Variants in TGM1 observed in about 807,000 individuals in gnomAD.
The protein encoded by TGM1 is transglutaminase 1.
A neutral mutation model predicts 88.7 loss-of-function variants in TGM1; 63 were observed. That is an observed-to-expected ratio of 0.71 (90% CI 0.58 to 0.88). The LOEUF (loss-of-function observed/expected upper bound fraction) is 0.88. TGM1 is among the 40% of genes least tolerant of loss of function. The pLI is 0.00. For synonymous variants in TGM1, 415 were observed against 431.1 expected, an observed-to-expected ratio of 0.96 and a Z score of 0.46; for missense variants, 996 against 1,118.0, an observed-to-expected ratio of 0.89 and a Z score of 1.56.
At chr14:24,262,535 G>A (rs2040823447) in intron 1 of TGM1, among the ~76,000 whole-genome samples, 181 bp from the exon 2 acceptor site, 1 of 152,194 alleles carries the variant, frequency 6.6e-6, no homozygotes, top group Non-Finnish European at 1.5e-5. Context: ...CTCACCCAGA[G>A]AAGCTTCTCA....
chr14:24,255,990 T>A lies in TGM1; in HGVS notation c.1490A>T (p.Glu497Val). 2 of 1,559,280 alleles carry A rather than the reference T, an allele frequency of 1.3e-6. No homozygotes were observed. Among genetic ancestry groups the A allele is most frequent in the Non-Finnish European group, 1.7e-6 (2 of 1,150,676 alleles). ...AGGCACCTGGAGCCCAGCCCTCACC[T>A]CAGCAAAAATGAAAGGCGTGTCGTA... Reference protein sequence around the residue: ...MKYDTPFIFAEVNSDKVYWQR... With the variant: ...MKYDTPFIFAVVNSDKVYWQR... Residue 497 changes from glutamate to valine, a missense_variant and splice_region_variant, in exon 10 of 15, where the codon GAG (glutamate) becomes GTG (valine). Transcript: ENST00000206765. The surrounding 1 kb of genome is among the most constrained non-coding windows in gnomAD (Gnocchi z 4.0).
intron 14 of TGM1, 35 bp from the exon 15 acceptor site, chr14:24,249,576 A>G (rs1037519055): frequency 6.3e-7 from 1 of 1,590,284 alleles, no homozygotes; most frequent in Non-Finnish European, 8.6e-7. Context: ...GCCTGGAGTA[A>G]TTGGGGGTGG....
intron 9 of TGM1, among the ~76,000 whole-genome samples, chr14:24,256,428 G>A (rs1365078020): frequency 6.6e-6 from 1 of 152,206 alleles, no homozygotes; most frequent in Non-Finnish European, 1.5e-5. Flanking sequence ...GCTGACACTG[G>A]ATGTCCACCA....
At position 24,261,785 on chromosome 14, in the gene TGM1, T is replaced by C. The variant is rs149923908; in HGVS notation, c.418A>G (p.Ile140Val). Residue 140 changes from isoleucine to valine, a missense_variant, in exon 3 of 15, where the codon ATA (isoleucine) becomes GTA (valine). Physicochemically the swap from Ile to Val is conservative, Grantham distance 29 (BLOSUM62 3). Transcript: ENST00000206765. ...HTDEYEYDEL[I>V]VRRGQPFHML... ...TGGAAAGGCTGCCCGCGGCGCACTA[T>C]CAGCTCGTCGTACTCATACTCGTCT... 89 of 1,613,840 alleles carry C rather than the reference T, an allele frequency of 5.5e-5. No homozygotes were observed. The highest frequency in any genetic ancestry group is 6.9e-5 in the Non-Finnish European group (82 of 1,180,008).
intron 8 of TGM1, 58 bp from the exon 9 acceptor site, chr14:24,258,446 T>C: frequency 1.9e-6 from 3 of 1,611,734 alleles, no homozygotes; most frequent in Non-Finnish European, 2.5e-6. Context: ...GTCCTCAGTT[T>C]CCCCAGCCTC....
At position 24,262,362 on chromosome 14, in the gene TGM1, GA is replaced by G; in HGVS notation, c.-2-9del. The stretch of plus-strand genomic sequence containing the variant: ...GTGGCCCATCCATCATGCCTGTTAG[GA>G]AGAGGCAGGGTGGCTCCTTAACCCA... On this transcript the variant is annotated splice_polypyrimidine_tract_variant and intron_variant, in intron 1 of 14. Transcript: ENST00000206765. 6.2e-7 allele frequency: 1 copy of G among 1,613,314 alleles called. No homozygotes were observed. Among genetic ancestry groups the G allele is most frequent in the Non-Finnish European group, 8.5e-7 (1 of 1,179,942 alleles).
At chr14:24,257,885 T>C (rs2040768845) in intron 9 of TGM1, among the ~76,000 whole-genome samples, 1 of 152,224 alleles carries the variant, frequency 6.6e-6, no homozygotes, top group Non-Finnish European at 1.5e-5. Flanking sequence ...ACTTTTTTTT[T>C]CCTTCCAAGC....
chr14:24,260,258 A>G, intron 4 of TGM1, 192 bp downstream of exon 4: 1 of 1,017,574 alleles, frequency 9.8e-7, no homozygotes, highest in East Asian at 2.6e-5. Context: ...CTTTGCCAGG[A>G]GAGGTGTGGC....
intron 14 of TGM1, among the ~76,000 whole-genome samples, chr14:24,250,505 T>G (rs41293952): frequency 1.3e-4 from 20 of 152,206 alleles, no homozygotes; most frequent in Admixed American, 3.3e-4. Context: ...CCCCCCATCA[T>G]TCCTCCTGCT....
Position 24,260,303 on chromosome 14 carries a change from A to G in TGM1, c.757+147T>C, listed in dbSNP as rs1594572311. On this transcript the variant is annotated intron_variant, in intron 4 of 14. Transcript: ENST00000206765. ...GACCCTGGGCTGGCCACCTTTCTGC[A>G]CCAGGCCTCGGTCCTCTCATCTGCC... 6 of 1,361,910 alleles carry G rather than the reference A, an allele frequency of 4.4e-6. No homozygotes were observed. In the East Asian group the frequency reaches 7.5e-5, roughly 17 times the overall value. The allele number at this position is 1,361,910 out of a possible 1,614,324, so 84.4% of individuals were successfully genotyped here.
chr14:24,262,646 A>T (rs1394028726), intron 1 of TGM1, among the ~76,000 whole-genome samples: 1 of 152,222 alleles, frequency 6.6e-6, no homozygotes, highest in Non-Finnish European at 1.5e-5. Context: ...AAATCCACAT[A>T]GTTCCCTGCA....
At chr14:24,256,689 A>G (rs2748525) in intron 9 of TGM1, among the ~76,000 whole-genome samples, 134,629 of 152,234 alleles carry the variant, frequency 0.88, 59,606 homozygotes, top group Admixed American at 0.92. Flanking sequence ...AGGCCTGGCA[A>G]GAGAGGACAG....
chr14:24,258,714 G>A (rs940854467), intron 7 of TGM1, 41 bp from the exon 8 acceptor site: 1 of 1,610,308 alleles, frequency 6.2e-7, no homozygotes, highest in Non-Finnish European at 8.5e-7. Flanking sequence ...CATGGGTTGG[G>A]GGCAAGTGAG....
chr14:24,253,639 T>C (rs947419671), intron 14 of TGM1, among the ~76,000 whole-genome samples: 1 of 152,132 alleles, frequency 6.6e-6, no homozygotes, highest in Non-Finnish European at 1.5e-5. Flanking sequence ...GCACCAAACC[T>C]GGTTAATTTT....
rs2040771863 is a variant in TGM1 at position 24,258,148 on chromosome 14, C to T, written c.1402+137G>A. On this transcript the variant is annotated intron_variant, in intron 9 of 14. Coordinates refer to ENST00000206765, the MANE Select transcript of TGM1 (RefSeq NM_000359.3). Reference sequence around the variant, plus strand: ...AACTAACATCCACGTGGTGGTTCAGCTGACAAACCCGTTTAAGAAGCCGCG... The same window carrying T: ...AACTAACATCCACGTGGTGGTTCAGTTGACAAACCCGTTTAAGAAGCCGCG... The T allele has an allele frequency of 6.2e-6, 4 of 645,464 alleles. No individual in the cohort carries two copies. The South Asian group carries it at 7.6e-5, about 12-fold the overall frequency. 40.0% of individuals were successfully genotyped at this position (645,464 alleles called of 1,614,324 possible).
rs1373019388 is a variant in TGM1, at chr14:24,255,982, C to T, written c.1491+7G>A. On this transcript the variant is annotated splice_region_variant and intron_variant, in intron 10 of 14. Coordinates refer to ENST00000206765, the MANE Select transcript of TGM1 (RefSeq NM_000359.3). The surrounding 1 kb of genome is among the most constrained non-coding windows in gnomAD (Gnocchi z 4.0). ...GCCCAAGAAGGCACCTGGAGCCCAGCCCTCACCTCAGCAAAAATGAAAGGC... is the reference window on the plus strand; with the variant it reads ...GCCCAAGAAGGCACCTGGAGCCCAGTCCTCACCTCAGCAAAAATGAAAGGC... The T allele has an allele frequency of 6.4e-7, 1 of 1,555,672 alleles. No homozygotes were observed. Among genetic ancestry groups the T allele is most frequent in the African/African-American group, 1.4e-5 (1 of 73,460 alleles).
rs764745656 is a variant in TGM1 at position 24,255,521 on chromosome 14, T to TG, written c.1492-5dup. 2.5e-5 allele frequency: 41 copies of TG among 1,612,312 alleles called. No homozygotes were observed. The highest frequency in any genetic ancestry group is 4.5e-5 in the East Asian group (2 of 44,874). On this transcript the variant is annotated splice_polypyrimidine_tract_variant and splice_region_variant and intron_variant, in intron 10 of 14. Transcript: ENST00000206765. This position sits in a 1 kb window ranked among gnomAD's most constrained non-coding sequence, Gnocchi z 4.0. Reference sequence around the variant, plus strand: ...AGTACACCTTGTCACTATTCACCTGTGGGGGGTGGGGGTGAGCAGGAATGA... The same window carrying TG: ...AGTACACCTTGTCACTATTCACCTGTGGGGGGGTGGGGGTGAGCAGGAATGA...
chr14:24,262,232 G>C lies in TGM1; in HGVS notation c.121C>G (p.Arg41Gly). The C allele has an allele frequency of 6.2e-7, 1 of 1,613,868 alleles. No individual in the cohort carries two copies. Among genetic ancestry groups the C allele is most frequent in the South Asian group, 1.1e-5 (1 of 91,084 alleles). Residue 41 changes from arginine (R) to glycine (G), a missense_variant, in exon 2 of 15, where the codon CGT becomes GGT. Transcript: ENST00000206765. The stretch of plus-strand genomic sequence containing the variant: ...CCACAGCAGCGAGCCCAGAAGGAAC[G>C]GCCTCCTCCTCTGCGAGAGCGTCCG... Reference protein sequence around the residue: ...PDGRSRRGGGRSFWARCCGCC... With the variant: ...PDGRSRRGGGGSFWARCCGCC...
rs1419399482 is a variant in TGM1 at position 24,262,268 on chromosome 14, G to C, written c.85C>G (p.Pro29Ala). The C allele has an allele frequency of 6.2e-7, 1 of 1,613,776 alleles. No individual in the cohort carries two copies. The highest frequency in any genetic ancestry group is 2.2e-5 in the East Asian group (1 of 44,880). Residue 29 changes from proline to alanine, a missense_variant, in exon 2 of 15, where the codon CCA becomes GCA. By Grantham distance (27) the Pro-to-Ala change is conservative. Transcript: ENST00000206765. ...PPTTPSPEPE[P>A]EPDGRSRRGG... The stretch of plus-strand genomic sequence containing the variant: ...CTGCGAGAGCGTCCGTCTGGCTCTG[G>C]CTCTGGCTCTGGAGATGGCGTGGTA...
Sources: gnomAD v4.1 joint callset for allele counts (sites outside exome capture counted in the v4.1 genomes callset) on GRCh38, gnomAD v4.1.1 for gene constraint, Gnocchi (gnomAD v3.1) non-coding constraint, MANE v1.5 for transcripts, NCBI Gene and HGNC (gene_info 2026-07-23, HGNC 2026-07-21) for gene names.